Variants in SDK1 observed in about 807,000 individuals in gnomAD.
The protein encoded by SDK1 is sidekick cell adhesion molecule 1, also known as protein sidekick-1.
In SDK1, 157 loss-of-function variants were observed where a neutral mutation model predicts 245.5. That is an observed-to-expected ratio of 0.64 (90% CI 0.56 to 0.73). The LOEUF (loss-of-function observed/expected upper bound fraction) is 0.73, where lower values mean the gene tolerates loss of function less well. Among genes scored for constraint, SDK1 ranks in the 30% least tolerant of loss-of-function variants. The probability of loss-of-function intolerance (pLI) is 0.00; values close to 1 mark genes in which losing one functional copy is unlikely to be tolerated. For synonymous variants in SDK1, 1,647 were observed against 1,278.5 expected (o/e 1.29, Z -6.15); for missense variants, 3,583 against 3,002.3 (o/e 1.19, Z -4.52).
intron 7 of SDK1, among the ~76,000 whole-genome samples, chr7:3,953,758 G>A (rs964451334): frequency 3.9e-5 from 6 of 152,030 alleles, no homozygotes; most frequent in Admixed American, 1.3e-4. Context: ...GTGTTCTCTC[G>A]AGTTAGCACC....
chr7:3,517,444 G>T (rs1782789677), intron 1 of SDK1, among the ~76,000 whole-genome samples: 1 of 152,152 alleles, frequency 6.6e-6, no homozygotes, highest in African/African-American at 2.4e-5. Flanking sequence ...CTACAGAACA[G>T]AAACTCAAGT....
At chr7:3,627,402 G>A (rs905741226) in intron 2 of SDK1, among the ~76,000 whole-genome samples, 1 of 152,186 alleles carries the variant, frequency 6.6e-6, no homozygotes, top group African/African-American at 2.4e-5. Context: ...GCTGCCACGT[G>A]TATAGGAGGT....
At chr7:3,924,542 T>C (rs1161139405) in intron 5 of SDK1, among the ~76,000 whole-genome samples, 1 of 152,176 alleles carries the variant, frequency 6.6e-6, no homozygotes, top group Admixed American at 6.5e-5. Context: ...GAATGACCGA[T>C]GCTGCCAGGA....
intron 1 of SDK1, among the ~76,000 whole-genome samples, chr7:3,419,440 C>G (rs1186385732): frequency 6.6e-6 from 1 of 152,184 alleles, no homozygotes; most frequent in Non-Finnish European, 1.5e-5. Context: ...CCCCCTTCAC[C>G]TGCAGTGAGT....
At chr7:3,507,534 G>C (rs1003640664) in intron 1 of SDK1, among the ~76,000 whole-genome samples, 4 of 152,140 alleles carry the variant, frequency 2.6e-5, no homozygotes, top group Non-Finnish European at 4.4e-5. Context: ...GACTGATCTA[G>C]TGCTAGTTAC....
At chr7:3,931,314 A>G (rs956112352) in intron 5 of SDK1, among the ~76,000 whole-genome samples, 3 of 152,204 alleles carry the variant, frequency 2.0e-5, no homozygotes, top group Non-Finnish European at 2.9e-5. Flanking sequence ...CTTTCCTCAC[A>G]TATTCCTACC....
chr7:4,144,109 C>T (rs1779783014), intron 28 of SDK1, among the ~76,000 whole-genome samples: 1 of 148,250 alleles, frequency 6.7e-6, no homozygotes, highest in Non-Finnish European at 1.5e-5. Context: ...CCTACTCTCA[C>T]TACACAGGGG....
chr7:3,374,881 A>T (rs896807213), intron 1 of SDK1, among the ~76,000 whole-genome samples: 2 of 152,204 alleles, frequency 1.3e-5, no homozygotes, highest in African/African-American at 4.8e-5. Flanking sequence ...ACTTAGGTGT[A>T]ATCATGTATT....
intron 1 of SDK1, among the ~76,000 whole-genome samples, chr7:3,470,733 C>G (rs888439210): frequency 1.6e-4 from 25 of 152,244 alleles, no homozygotes; most frequent in African/African-American, 5.8e-4. Context: ...ATCCAGTTTT[C>G]CAAATTCCTT....
At chr7:3,520,653 ATCT>A (rs1782907428) in intron 1 of SDK1, among the ~76,000 whole-genome samples, 1 of 133,820 alleles carries the variant, frequency 7.5e-6, no homozygotes, top group South Asian at 2.4e-4. Flanking sequence ...AATCTCTGCA[ATCT>A]TCTCCTTAAA....
intron 14 of SDK1, among the ~76,000 whole-genome samples, chr7:4,001,726 C>G (rs917653854): frequency 4.6e-5 from 7 of 152,250 alleles, no homozygotes; most frequent in Non-Finnish European, 1.0e-4. Context: ...ATACTGTCCA[C>G]TCTGTGGTGT....
chr7:4,163,239 G>C (rs1242179736), intron 32 of SDK1, among the ~76,000 whole-genome samples: 2 of 152,120 alleles, frequency 1.3e-5, no homozygotes, highest in East Asian at 3.9e-4. Flanking sequence ...CCTGCTGGGA[G>C]CTGGGGTCAG....
chr7:3,448,748 C>T (rs1583872984), intron 1 of SDK1, among the ~76,000 whole-genome samples: 1 of 152,066 alleles, frequency 6.6e-6, no homozygotes, highest in South Asian at 2.1e-4. Context: ...GCCATCAGTA[C>T]TTTAAAAAAA....
intron 30 of SDK1, among the ~76,000 whole-genome samples, chr7:4,156,568 G>T (rs1207463092): frequency 6.6e-6 from 1 of 152,232 alleles, no homozygotes; most frequent in Non-Finnish European, 1.5e-5. Flanking sequence ...AGCAGGCCTT[G>T]AGGTGTGAGC....
intron 4 of SDK1, among the ~76,000 whole-genome samples, chr7:3,750,678 C>T (rs756238093): frequency 2.4e-4 from 36 of 152,164 alleles, no homozygotes; most frequent in Non-Finnish European, 4.4e-4. Context: ...GAGTTCTTTG[C>T]TCAAATTGGA....
intron 2 of SDK1, among the ~76,000 whole-genome samples, chr7:3,624,778 GCTCACACCTGTA>G (rs1782062551): frequency 6.6e-6 from 1 of 151,982 alleles, no homozygotes; most frequent in Non-Finnish European, 1.5e-5. Context: ...AGGCATGGTG[GCTCACACCTGTA>G]ATCCCAGCAC....
chr7:4,136,668 C>T (rs552827736), intron 28 of SDK1, among the ~76,000 whole-genome samples: 6 of 152,254 alleles, frequency 3.9e-5, no homozygotes, highest in African/African-American at 1.4e-4. Context: ...ACCACATGGC[C>T]TTGACTGGTA....
intron 1 of SDK1, among the ~76,000 whole-genome samples, chr7:3,492,262 T>G (rs1781884234): frequency 6.6e-6 from 1 of 152,164 alleles, no homozygotes; most frequent in Non-Finnish European, 1.5e-5. Context: ...TTTAGAGTAA[T>G]ATCTTTAAGA....
chr7:3,784,110 A>C (rs1355834689), intron 4 of SDK1, among the ~76,000 whole-genome samples: 1 of 150,794 alleles, frequency 6.6e-6, no homozygotes, highest in Non-Finnish European at 1.5e-5. Context: ...GGTTAGAGAA[A>C]GGGTCTCCCT....
Sources: allele counts gnomAD v4.1 joint callset (sites outside exome capture counted in the v4.1 genomes callset), GRCh38; gene constraint gnomAD v4.1.1; transcripts MANE v1.5; gene names NCBI Gene and HGNC (gene_info 2026-07-23, HGNC 2026-07-21).